SLC24A2: variants seen among roughly 807,000 people sequenced by gnomAD.
The protein encoded by SLC24A2 is sodium/potassium/calcium exchanger 2.
In SLC24A2, 36 loss-of-function variants were observed where a neutral mutation model predicts 62.0. The observed-to-expected ratio is 0.58, with a 90% confidence interval of 0.44 to 0.77. The LOEUF (loss-of-function observed/expected upper bound fraction) is 0.77. Among genes scored for constraint, SLC24A2 ranks in the 30% least tolerant of loss-of-function variants. SLC24A2 has a pLI of 0.00. For synonymous variants in SLC24A2, 358 were observed against 294.0 expected, an observed-to-expected ratio of 1.22 and a Z score of -2.23; for missense variants, 846 against 817.9, an observed-to-expected ratio of 1.03 and a Z score of -0.42.
chr9:19,560,916 TA>T (rs1835362879), intron 7 of SLC24A2, among the ~76,000 whole-genome samples: 1 of 119,390 alleles, frequency 8.4e-6, no homozygotes, highest in Admixed American at 8.3e-5. Context: ...TATATATATA[TA>T]GAGAGAGAGA....
the SLC24A2 span, among the ~76,000 whole-genome samples, chr9:19,809,502 A>G: frequency 1.3e-5 from 2 of 152,130 alleles, no homozygotes; most frequent in Non-Finnish European, 2.9e-5. Flanking sequence ...TTTTAATGAA[A>G]AGCAGCCCCA....
chr9:19,592,882 C>T (rs901580915), intron 5 of SLC24A2, among the ~76,000 whole-genome samples: 3 of 152,230 alleles, frequency 2.0e-5, no homozygotes, highest in African/African-American at 7.2e-5. Flanking sequence ...GATAAGGTGA[C>T]TGCTGCCTGT....
the SLC24A2 span, among the ~76,000 whole-genome samples, chr9:20,283,164 C>G: frequency 6.6e-6 from 1 of 152,180 alleles, no homozygotes; most frequent in Non-Finnish European, 1.5e-5. Flanking sequence ...TCGAAAAAAT[C>G]ATATTTTAAT....
At chr9:20,299,198 C>T in the SLC24A2 span, among the ~76,000 whole-genome samples, 19 of 152,316 alleles carry the variant, frequency 1.2e-4, no homozygotes, top group Non-Finnish European at 1.6e-4. Flanking sequence ...TTAGCCCTTT[C>T]GTGCACACAG....
chr9:19,516,652 A>AT (rs1563925025), intron 10 of SLC24A2, among the ~76,000 whole-genome samples: 1 of 152,182 alleles, frequency 6.6e-6, no homozygotes. Context: ...CATCAAAGAC[A>AT]TGACTGCTGT....
chr9:20,282,789 T>G, the SLC24A2 span, among the ~76,000 whole-genome samples: 1 of 152,204 alleles, frequency 6.6e-6, no homozygotes, highest in Non-Finnish European at 1.5e-5. Flanking sequence ...TCTGCATACT[T>G]TTTCATCAGT....
chr9:20,209,232 T>A, the SLC24A2 span, among the ~76,000 whole-genome samples: 3 of 152,348 alleles, frequency 2.0e-5, no homozygotes, highest in African/African-American at 7.2e-5. Context: ...CTTAACTGAC[T>A]GTTTTATTCC....
the SLC24A2 span, among the ~76,000 whole-genome samples, chr9:20,092,322 T>C: frequency 5.9e-5 from 9 of 152,376 alleles, no homozygotes; most frequent in African/African-American, 2.2e-4. Flanking sequence ...GCTTTTATTT[T>C]AATATGTAAT....
the SLC24A2 span, among the ~76,000 whole-genome samples, chr9:20,186,420 C>G: frequency 9.2e-5 from 14 of 152,296 alleles, no homozygotes; most frequent in African/African-American, 2.9e-4. Flanking sequence ...TACGGACTCT[C>G]TCTTCACCAT....
intron 3 of SLC24A2, 73 bp downstream of exon 3, chr9:19,622,188 G>T: frequency 7.9e-7 from 1 of 1,273,644 alleles, no homozygotes; most frequent in Non-Finnish European, 1.1e-6. Context: ...ACACAAACCC[G>T]TCTCACTCCC....
chr9:19,518,897 A>G lies in SLC24A2; in HGVS notation c.1736+1997T>C, dbSNP rs532645148. Among the ~76,000 whole-genome samples, 15 of 152,318 alleles carry G rather than the reference A, an allele frequency of 9.8e-5. No individual in the cohort carries two copies. The South Asian group carries it at 2.1e-3, about 21-fold the overall frequency. On this transcript the variant is annotated intron_variant, in intron 10 of 10. Coordinates refer to ENST00000341998, the MANE Select transcript of SLC24A2 (RefSeq NM_020344.4). ...CTTGGGAAAGAACTTTTTGGAAAAG[A>G]AATGTACAAGACATGTCAATACCCA...
intron 2 of SLC24A2, chr9:19,705,257 T>G (rs1242667463): frequency 6.6e-6 from 1 of 152,266 alleles, no homozygotes; most frequent in Non-Finnish European, 1.5e-5. Flanking sequence ...AAGGAAATAC[T>G]TAAAAAGTTG....
At chr9:19,993,850 G>A in the SLC24A2 span, among the ~76,000 whole-genome samples, 1 of 152,164 alleles carries the variant, frequency 6.6e-6, no homozygotes, top group Admixed American at 6.5e-5. Context: ...GCTAGTGATT[G>A]AAAACACAAT....
the SLC24A2 span, among the ~76,000 whole-genome samples, chr9:20,002,394 T>G: frequency 2.0e-5 from 3 of 151,076 alleles, no homozygotes; most frequent in African/African-American, 4.9e-5. Context: ...CAGTAACAAT[T>G]ATTAGTTTGG....
chr9:20,137,432 G>A, the SLC24A2 span, among the ~76,000 whole-genome samples: 1 of 152,090 alleles, frequency 6.6e-6, no homozygotes, highest in Non-Finnish European at 1.5e-5. Flanking sequence ...CTGCTACTGT[G>A]ACTTATTGAA....
At chr9:20,107,105 GA>G in the SLC24A2 span, among the ~76,000 whole-genome samples, 1 of 152,196 alleles carries the variant, frequency 6.6e-6, no homozygotes, top group East Asian at 1.9e-4. Flanking sequence ...TTGCTTCAAA[GA>G]GAATAAAATA....
the SLC24A2 span, among the ~76,000 whole-genome samples, chr9:20,276,796 C>G: frequency 9.2e-5 from 14 of 152,334 alleles, no homozygotes; most frequent in African/African-American, 3.4e-4. Context: ...TACCTGTGGG[C>G]CCAACACCAT....
At chr9:20,233,573 T>G in the SLC24A2 span, among the ~76,000 whole-genome samples, 2 of 152,224 alleles carry the variant, frequency 1.3e-5, no homozygotes, top group South Asian at 2.1e-4. Flanking sequence ...GTTTTCCGTT[T>G]GCTTGGTGGA....
chr9:19,593,192 G>A (rs1158738351), intron 5 of SLC24A2, among the ~76,000 whole-genome samples: 1 of 152,142 alleles, frequency 6.6e-6, no homozygotes, highest in Non-Finnish European at 1.5e-5. Context: ...GCCTTCCACT[G>A]GGCTGTTCCA....
Sources: allele counts gnomAD v4.1 joint callset (sites outside exome capture counted in the v4.1 genomes callset), GRCh38; gene constraint gnomAD v4.1.1; transcripts MANE v1.5; gene names NCBI Gene and HGNC (gene_info 2026-07-23, HGNC 2026-07-21).